The following KCNJ3 variants were observed in gnomAD, a reference collection of about 807,000 sequenced individuals.
The protein encoded by KCNJ3 is G protein-activated inward rectifier potassium channel 1.
In KCNJ3, 4 loss-of-function variants were observed where a neutral mutation model predicts 39.2. The ratio of observed to expected loss-of-function variants is 0.10; its 90% confidence interval spans 0.05 to 0.23. KCNJ3 has a LOEUF of 0.23. KCNJ3 is among the 10% of genes least tolerant of loss of function. KCNJ3 has a pLI of 1.00. For missense variants in KCNJ3, 276 were observed against 634.9 expected (o/e 0.43, Z 6.08); for synonymous variants, 230 against 237.4 (o/e 0.97, Z 0.29).
At chr2:154,830,456 A>T (rs1476535342) in intron 2 of KCNJ3, among the ~76,000 whole-genome samples, 1 of 152,160 alleles carries the variant, frequency 6.6e-6, no homozygotes, top group Non-Finnish European at 1.5e-5. Context: ...TAAGATTATT[A>T]TACCTGTTTT....
At chr2:154,730,620 G>A (rs1685433471) in intron 2 of KCNJ3, among the ~76,000 whole-genome samples, 1 of 152,012 alleles carries the variant, frequency 6.6e-6, no homozygotes, top group Non-Finnish European at 1.5e-5. Flanking sequence ...TAAGGTATAA[G>A]TAAAGAAAAC....
intron 2 of KCNJ3, among the ~76,000 whole-genome samples, chr2:154,771,551 G>T (rs776413271): frequency 6.6e-6 from 1 of 152,132 alleles, no homozygotes; most frequent in African/African-American, 2.4e-5. Flanking sequence ...GTATAAAAAT[G>T]AGTGTGCAGA....
chr2:154,758,975 G>T (rs76980314), intron 2 of KCNJ3, among the ~76,000 whole-genome samples: 3,738 of 152,266 alleles, frequency 0.025, 93 homozygotes, highest in Non-Finnish European at 0.031. Flanking sequence ...CTGTTGATTG[G>T]AGTCTTGGAT....
intron 2 of KCNJ3, among the ~76,000 whole-genome samples, chr2:154,757,410 G>C (rs1003688665): frequency 6.6e-6 from 1 of 152,004 alleles, no homozygotes; most frequent in African/African-American, 2.4e-5. Context: ...AGGAGGAATA[G>C]GAGCATAAAA....
chr2:154,745,573 A>G (rs1685726503), intron 2 of KCNJ3, among the ~76,000 whole-genome samples: 1 of 151,892 alleles, frequency 6.6e-6, no homozygotes, highest in Non-Finnish European at 1.5e-5. Flanking sequence ...TGTTGCCACT[A>G]TTTTGCCATT....
chr2:154,816,249 A>G (rs928243899), intron 2 of KCNJ3, among the ~76,000 whole-genome samples: 6 of 152,194 alleles, frequency 3.9e-5, no homozygotes, highest in Non-Finnish European at 1.5e-5. Flanking sequence ...CTTACACAAT[A>G]TTATGCAAAA....
chr2:154,852,541 A>G (rs954663856), intron 2 of KCNJ3, among the ~76,000 whole-genome samples: 1 of 152,180 alleles, frequency 6.6e-6, no homozygotes, highest in African/African-American at 2.4e-5. Flanking sequence ...TAGGGAGAAA[A>G]TATAAGGCAC....
intron 2 of KCNJ3, among the ~76,000 whole-genome samples, chr2:154,774,021 G>T (rs754030659): frequency 6.6e-6 from 1 of 152,070 alleles, no homozygotes; most frequent in Non-Finnish European, 1.5e-5. Context: ...TGCAAAGAAG[G>T]TTTTCAAATG....
In KCNJ3 at chr2:154,796,724, C is replaced by G. The variant is rs138340408; in HGVS notation, c.920-58003C>G. On this transcript the variant is annotated intron_variant, in intron 2 of 2. Coordinates refer to ENST00000295101, the MANE Select transcript of KCNJ3 (RefSeq NM_002239.4). ...GTTGACAACATTTAAAGTAGACTAC[C>G]TAGAATACTAGCTGATTACCTTGTT... is the stretch of plus-strand genomic sequence containing the variant. 3.3e-5 allele frequency among the ~76,000 whole-genome samples: 5 copies of G among 152,018 alleles called. No homozygotes were observed. The South Asian group carries it at 1.0e-3, about 31-fold the overall frequency.
chr2:154,787,136 A>AGAAAG (rs994821979), intron 2 of KCNJ3, among the ~76,000 whole-genome samples: 5 of 152,174 alleles, frequency 3.3e-5, no homozygotes, highest in African/African-American at 1.2e-4. Context: ...TTTAAAATTG[A>AGAAAG]GAAAGGAAAG....
At chr2:154,798,220 A>G (rs990857740) in intron 2 of KCNJ3, among the ~76,000 whole-genome samples, 7 of 132,054 alleles carry the variant, frequency 5.3e-5, no homozygotes, top group African/African-American at 2.0e-4. Context: ...ACACACACAC[A>G]CGCACAGAGT....
intron 2 of KCNJ3, among the ~76,000 whole-genome samples, chr2:154,801,817 G>A (rs1039017739): frequency 6.6e-6 from 1 of 152,044 alleles, no homozygotes; most frequent in Non-Finnish European, 1.5e-5. Flanking sequence ...AGTAGAGACA[G>A]GATTTTGACA....
chr2:154,755,222 T>G (rs1685916775), intron 2 of KCNJ3, among the ~76,000 whole-genome samples: 1 of 152,098 alleles, frequency 6.6e-6, no homozygotes, highest in Non-Finnish European at 1.5e-5. Flanking sequence ...TCTGGCATAT[T>G]TGCCATTAAT....
At chr2:154,848,294 A>G (rs1426746642) in intron 2 of KCNJ3, among the ~76,000 whole-genome samples, 1 of 152,162 alleles carries the variant, frequency 6.6e-6, no homozygotes, top group Non-Finnish European at 1.5e-5. Context: ...TTCAAGCTCT[A>G]TCATTCTCCT....
intron 2 of KCNJ3, among the ~76,000 whole-genome samples, chr2:154,773,816 G>A (rs571047506): frequency 6.6e-6 from 1 of 152,216 alleles, no homozygotes; most frequent in Non-Finnish European, 1.5e-5. Flanking sequence ...TAAAAACATT[G>A]TGTAGTCATT....
chr2:154,832,638 A>G (rs919399472), intron 2 of KCNJ3, among the ~76,000 whole-genome samples: 11 of 152,174 alleles, frequency 7.2e-5, no homozygotes, highest in Non-Finnish European at 1.6e-4. Flanking sequence ...AAAGAGTATG[A>G]TAGCCAATAA....
chr2:154,744,315 T>A (rs1182015372), intron 2 of KCNJ3, among the ~76,000 whole-genome samples: 1 of 151,720 alleles, frequency 6.6e-6, no homozygotes, highest in African/African-American at 2.4e-5. Flanking sequence ...TTTATACTGA[T>A]TGTGTCTGCT....
intron 2 of KCNJ3, among the ~76,000 whole-genome samples, chr2:154,825,541 A>ATTATTTATTTAT (rs141631387): frequency 6.2e-5 from 9 of 144,112 alleles, no homozygotes; most frequent in African/African-American, 1.5e-4. Context: ...AACTCATGAA[A>ATTATTTATTTAT]TTATTTATTT....
chr2:154,713,378 T>C (rs1457213903), intron 2 of KCNJ3, among the ~76,000 whole-genome samples: 1 of 152,114 alleles, frequency 6.6e-6, no homozygotes, highest in African/African-American at 2.4e-5. Flanking sequence ...CCTCCTACCC[T>C]AGCACCCCTA....
Sources: gnomAD v4.1 joint callset for allele counts (sites outside exome capture counted in the v4.1 genomes callset) on GRCh38, gnomAD v4.1.1 for gene constraint, MANE v1.5 for transcripts, NCBI Gene and HGNC (gene_info 2026-07-23, HGNC 2026-07-21) for gene names.